Variants in OSBPL6 observed in about 807,000 individuals in gnomAD.
The protein encoded by OSBPL6 is oxysterol binding protein like 6, also known as oxysterol-binding protein-related protein 6.
Under a neutral mutation model 125.8 loss-of-function variants are expected in OSBPL6, and 49 were observed. The ratio of observed to expected loss-of-function variants is 0.39; its 90% CI spans 0.31 to 0.49. The LOEUF (loss-of-function observed/expected upper bound fraction) is 0.49. Among genes scored for constraint, OSBPL6 ranks in the 20% least tolerant of loss-of-function variants. The pLI is 0.88. For synonymous variants in OSBPL6, 394 were observed against 391.8 expected, an observed-to-expected ratio of 1.01 and a Z score of -0.07; for missense variants, 986 against 1,135.4, an observed-to-expected ratio of 0.87 and a Z score of 1.89.
At chr2:178,308,523 G>A (rs1686983329) in intron 3 of OSBPL6, among the ~76,000 whole-genome samples, 1 of 152,200 alleles carries the variant, frequency 6.6e-6, no homozygotes, top group South Asian at 2.1e-4. Flanking sequence ...TGAGAATACA[G>A]TGGTATCTTA....
intron 3 of OSBPL6, among the ~76,000 whole-genome samples, chr2:178,319,415 A>G (rs1360718973): frequency 1.3e-5 from 2 of 152,162 alleles, no homozygotes; most frequent in African/African-American, 4.8e-5. Flanking sequence ...ATGTTCATTT[A>G]TCAATTTGAA....
intron 1 of OSBPL6, among the ~76,000 whole-genome samples, chr2:178,230,929 A>G (rs1195823866): frequency 6.6e-6 from 1 of 152,188 alleles, no homozygotes; most frequent in Non-Finnish European, 1.5e-5. Context: ...GAACATAGAT[A>G]TACATTTCTA....
At chr2:178,375,059 T>C (rs928641858) in intron 15 of OSBPL6, among the ~76,000 whole-genome samples, 1 of 152,184 alleles carries the variant, frequency 6.6e-6, no homozygotes, top group African/African-American at 2.4e-5. Context: ...AATTTAATGA[T>C]CTGTGATGGT....
chr2:178,277,810 T>C (rs1393958632), intron 1 of OSBPL6, among the ~76,000 whole-genome samples: 2 of 152,210 alleles, frequency 1.3e-5, no homozygotes, highest in Non-Finnish European at 2.9e-5. Context: ...TGCTTCATCC[T>C]CCCATCTGAT....
chr2:178,389,581 A>G (rs76781627), intron 21 of OSBPL6, among the ~76,000 whole-genome samples: 3,202 of 152,336 alleles, frequency 0.021, 76 homozygotes, highest in East Asian at 0.13. Flanking sequence ...AGTCATGTAG[A>G]TGATCACCAC....
chr2:178,324,355 T>C, intron 4 of OSBPL6, 86 bp downstream of exon 4: 1 of 971,382 alleles, frequency 1.0e-6, no homozygotes, highest in Non-Finnish European at 1.5e-6. Context: ...TACACCTGAC[T>C]CCCCTAAAAT....
intron 1 of OSBPL6, among the ~76,000 whole-genome samples, chr2:178,274,840 CTTAAACTTCAG>C (rs2092438254): frequency 6.6e-6 from 1 of 152,102 alleles, no homozygotes; most frequent in African/African-American, 2.4e-5. Flanking sequence ...TAGGATGCAA[CTTAAACTTCAG>C]ATTGTACCCT....
chr2:178,301,934 C>G (rs532827808), intron 2 of OSBPL6, among the ~76,000 whole-genome samples: 3 of 152,132 alleles, frequency 2.0e-5, no homozygotes, highest in Non-Finnish European at 4.4e-5. Flanking sequence ...AGACGGGGCC[C>G]TAACCTACTG....
chr2:178,386,724 G>GACAC (rs10578361), intron 19 of OSBPL6, among the ~76,000 whole-genome samples: 12 of 144,860 alleles, frequency 8.3e-5, no homozygotes, highest in Non-Finnish European at 1.2e-4. Flanking sequence ...CACACACACA[G>GACAC]ACACACACAC....
Position 178,279,667 on chromosome 2 carries a change from T to C in OSBPL6, c.-350-5260T>C, listed in dbSNP as rs1053802872. On this transcript the variant is annotated intron_variant, in intron 1 of 24. Coordinates refer to ENST00000190611, the MANE Select transcript of OSBPL6 (RefSeq NM_032523.4). The stretch of plus-strand genomic sequence containing the variant: ...ACGCATGTGTGTGCACGCGTGTGCA[T>C]GCACACACACGCATGCACGCCAATT... Among the ~76,000 whole-genome samples the C allele has an allele frequency of 9.2e-5, 14 of 152,338 alleles. No individual in the cohort carries two copies. The East Asian group carries it at 1.7e-3, about 19-fold the overall frequency.
chr2:178,285,451 G>T (rs1352277661), intron 2 of OSBPL6, among the ~76,000 whole-genome samples: 1 of 152,114 alleles, frequency 6.6e-6, no homozygotes, highest in South Asian at 2.1e-4. Flanking sequence ...TAGCCAAAAT[G>T]TTATCCTTGC....
At chr2:178,328,404 C>T (rs1156398287) in intron 5 of OSBPL6, 26 bp downstream of exon 5, 2 of 1,602,716 alleles carry the variant, frequency 1.2e-6, no homozygotes, top group African/African-American at 1.3e-5. Flanking sequence ...TATTCAGGTT[C>T]AGACCATCTT....
chr2:178,366,989 A>G (rs1692893924), intron 13 of OSBPL6, among the ~76,000 whole-genome samples: 2 of 152,258 alleles, frequency 1.3e-5, no homozygotes, highest in Non-Finnish European at 2.9e-5. Context: ...TCATGCACAT[A>G]TTCATGGCAG....
At chr2:178,291,635 T>G (rs1334942696) in intron 2 of OSBPL6, among the ~76,000 whole-genome samples, 3 of 151,800 alleles carry the variant, frequency 2.0e-5, no homozygotes, top group Non-Finnish European at 4.4e-5. Flanking sequence ...AGAATGTTAG[T>G]GTTCATAGAA....
intron 1 of OSBPL6, among the ~76,000 whole-genome samples, chr2:178,211,809 T>C (rs778180400): frequency 3.0e-4 from 46 of 152,156 alleles, no homozygotes; most frequent in Non-Finnish European, 4.9e-4. Context: ...GTGTCTTCAA[T>C]TGTAATGCAC....
At chr2:178,238,749 T>A (rs2091164100) in intron 1 of OSBPL6, among the ~76,000 whole-genome samples, 2 of 152,192 alleles carry the variant, frequency 1.3e-5, no homozygotes, top group Admixed American at 1.3e-4. Flanking sequence ...CTGATGGTAA[T>A]CAGGCTTGGT....
chr2:178,322,920 A>G (rs75341199), intron 3 of OSBPL6, among the ~76,000 whole-genome samples: 3 of 1,578 alleles, frequency 1.9e-3, no homozygotes, highest in African/African-American at 4.4e-3. Flanking sequence ...ATGCATTTAA[A>G]AAAAAAAAAA....
intron 4 of OSBPL6, 87 bp downstream of exon 4, chr2:178,324,356 C>T (rs919284770): frequency 7.0e-5 from 68 of 971,130 alleles, no homozygotes; most frequent in Non-Finnish European, 9.4e-5. Flanking sequence ...ACACCTGACT[C>T]CCCTAAAATA....
rs2091270651 is a variant in OSBPL6, at chr2:178,241,105, A to G, written c.-350-43822A>G. 2.0e-5 allele frequency among the ~76,000 whole-genome samples: 3 copies of G among 152,126 alleles called. No homozygotes were observed. In the South Asian group the frequency reaches 6.2e-4, roughly 31 times the overall value. On this transcript the variant is annotated intron_variant, in intron 1 of 24. Transcript: ENST00000190611. ...TAAATTTGATATCTTAAGTGTACTA[A>G]TGCCACTCTGCATGTATTCATATTC...
Sources: allele counts gnomAD v4.1 joint callset (sites outside exome capture counted in the v4.1 genomes callset), GRCh38; gene constraint gnomAD v4.1.1; transcripts MANE v1.5; gene names NCBI Gene and HGNC (gene_info 2026-07-23, HGNC 2026-07-21).